The following URM1 variants were observed in gnomAD, a reference collection of about 807,000 sequenced individuals.
URM1 encodes ubiquitin related modifier 1, also known as ubiquitin-related modifier 1.
Under a neutral mutation model 17.7 loss-of-function variants are expected in URM1, and 11 were observed. That is an observed-to-expected ratio of 0.62 (90% CI 0.39 to 1.03). The LOEUF (loss-of-function observed/expected upper bound fraction) is 1.03. Among genes scored for constraint, URM1 ranks in the 50% least tolerant of loss-of-function variants. The pLI, the probability that URM1 is intolerant of heterozygous loss-of-function variation, is 0.00. For missense variants in URM1, 128 were observed against 129.2 expected (o/e 0.99, Z 0.04); for synonymous variants, 48 against 50.6 (o/e 0.95, Z 0.22).
chr9:128,384,641 G>A (rs897962625), intron 2 of URM1, among the ~76,000 whole-genome samples: 7 of 152,166 alleles, frequency 4.6e-5, no homozygotes, highest in African/African-American at 1.4e-4. Flanking sequence ...CAGAGAGCGC[G>A]AGGGGTATAG....
chr9:128,389,727 G>T lies in URM1; in HGVS notation c.299G>T (p.Gly100Val). 1 of 1,613,514 alleles carries T rather than the reference G, an allele frequency of 6.2e-7. No homozygotes were observed. The highest frequency in any genetic ancestry group is 8.5e-7 in the Non-Finnish European group (1 of 1,179,994). ...GTCCTCTTCATCTCCACTCTGCACG[G>T]CGGCTGAGGGCCCTTCTCTGGGCCT... is the stretch of plus-strand genomic sequence containing the variant. The part of the protein sequence containing the change: ...DSVLFISTLH[G>V]G Residue 100 changes from glycine to valine, a missense_variant, in exon 5 of 5, where the codon GGC becomes GTC. Coordinates refer to ENST00000372853, the MANE Select transcript of URM1 (RefSeq NM_030914.4).
At chr9:128,381,053 T>G (rs1833153622) in intron 2 of URM1, among the ~76,000 whole-genome samples, 1 of 152,102 alleles carries the variant, frequency 6.6e-6, no homozygotes, top group African/African-American at 2.4e-5. Flanking sequence ...CTCGATCTCC[T>G]GACCTGGTGA....
intron 1 of URM1, among the ~76,000 whole-genome samples, chr9:128,376,875 G>A (rs2131290775): frequency 6.6e-6 from 1 of 151,970 alleles, no homozygotes; most frequent in South Asian, 2.1e-4. Flanking sequence ...AGTCCCAGCT[G>A]CTTGGGGGTC....
intron 1 of URM1, among the ~76,000 whole-genome samples, chr9:128,376,859 A>G (rs1833085204): frequency 6.6e-6 from 1 of 151,826 alleles, no homozygotes; most frequent in Admixed American, 6.6e-5. Flanking sequence ...GATGCCATGC[A>G]CCTGTAGTCC....
chr9:128,378,565 A>C (rs1055043930), intron 2 of URM1, among the ~76,000 whole-genome samples: 8 of 150,618 alleles, frequency 5.3e-5, no homozygotes, highest in Non-Finnish European at 1.2e-4. Flanking sequence ...AAAAAAAAAA[A>C]AAAAAAACTT....
chr9:128,390,227 G>A lies in URM1; in HGVS notation c.*493G>A. 6.3e-6 allele frequency: 1 copy of A among 159,868 alleles called. No homozygotes were observed. The highest frequency in any genetic ancestry group is 6.2e-5 in the Admixed American group (1 of 16,104). The allele number at this position is 159,868 out of a possible 1,614,324, so 9.9% of individuals were successfully genotyped here. A position where few individuals can be genotyped will look rare whatever the true frequency, so the allele number is the denominator to read the frequency against. On this transcript the variant is annotated 3_prime_UTR_variant, in exon 5 of 5. Transcript: ENST00000372853. The stretch of plus-strand genomic sequence containing the variant: ...GTCTGTACAGCTGAGGGCTCTGCCT[G>A]TCCCCCACTGCTATCAGTATGGAAC...
chr9:128,388,035 C>T lies in URM1; in HGVS notation c.188+138C>T, dbSNP rs1588587632. Reference sequence around the variant, plus strand: ...TCCCTAACTCTTCCAGCTCTGAGATCTGTTTTCAGTTTTCTTGTTACTAAA... The same window carrying T: ...TCCCTAACTCTTCCAGCTCTGAGATTTGTTTTCAGTTTTCTTGTTACTAAA... On this transcript the variant is annotated intron_variant, in intron 3 of 4. Transcript: ENST00000372853. 5 of 1,398,250 alleles carry T rather than the reference C, an allele frequency of 3.6e-6. No individual in the cohort carries two copies. In the East Asian group the frequency reaches 1.3e-4, roughly 37 times the overall value. The allele number at this position is 1,398,250 out of a possible 1,614,324, so 86.6% of individuals were successfully genotyped here.
At chr9:128,375,336 G>T (rs1588578098) in intron 1 of URM1, among the ~76,000 whole-genome samples, 1 of 152,240 alleles carries the variant, frequency 6.6e-6, no homozygotes. Context: ...CTGGCCAGAG[G>T]AAACCCCTAG....
chr9:128,373,426 T>C (rs1330840478), intron 1 of URM1, among the ~76,000 whole-genome samples: 1 of 152,142 alleles, frequency 6.6e-6, no homozygotes, highest in Non-Finnish European at 1.5e-5. Context: ...TTTCTCTCTT[T>C]TGTCCCTTAG....
chr9:128,377,955 T>C, intron 1 of URM1, 81 bp from the exon 2 acceptor site: 2 of 1,470,022 alleles, frequency 1.4e-6, no homozygotes, highest in Non-Finnish European at 1.9e-6. Flanking sequence ...ACCAGCCCTA[T>C]CCTCAGTTTT....
Position 128,389,735 on chromosome 9 carries a change from G to C in URM1, c.*1G>C. 1 of 1,613,478 alleles carries C rather than the reference G, an allele frequency of 6.2e-7. No homozygotes were observed. On this transcript the variant is annotated 3_prime_UTR_variant, in exon 5 of 5. Transcript: ENST00000372853. ...CATCTCCACTCTGCACGGCGGCTGAGGGCCCTTCTCTGGGCCTGGGCACCC... is the reference window on the plus strand; with the variant it reads ...CATCTCCACTCTGCACGGCGGCTGACGGCCCTTCTCTGGGCCTGGGCACCC...
At chr9:128,374,148 C>G (rs1022542970) in intron 1 of URM1, among the ~76,000 whole-genome samples, 1 of 152,174 alleles carries the variant, frequency 6.6e-6, no homozygotes, top group Non-Finnish European at 1.5e-5. Flanking sequence ...CCTTGTCTGC[C>G]TCCCTGAATC....
intron 1 of URM1, among the ~76,000 whole-genome samples, chr9:128,372,073 C>T (rs1048470217): frequency 5.3e-5 from 8 of 152,194 alleles, no homozygotes; most frequent in African/African-American, 1.7e-4. Flanking sequence ...TTGGGACACA[C>T]ACCAGTTACT....
chr9:128,372,141 A>G (rs902062318), intron 1 of URM1, among the ~76,000 whole-genome samples: 3 of 152,236 alleles, frequency 2.0e-5, no homozygotes, highest in African/African-American at 4.8e-5. Context: ...CTTCCTACAA[A>G]CAGGTTTGTC....
rs979794619 is a variant in URM1, at chr9:128,387,717, A to G, written c.107-99A>G. ...CAGCCTGGTCTAAAAGAAGCCCTCT[A>G]AACACCGTGTGTATTTCCTTGTGGG... On this transcript the variant is annotated intron_variant, in intron 2 of 4. Transcript: ENST00000372853. The surrounding 1 kb of genome is among the most constrained non-coding windows in gnomAD (Gnocchi z 4.3). 6.3e-7 allele frequency: 1 copy of G among 1,580,164 alleles called. No individual in the cohort carries two copies. Among genetic ancestry groups the G allele is most frequent in the Non-Finnish European group, 8.6e-7 (1 of 1,161,576 alleles).
chr9:128,379,840 C>T (rs1833135372), intron 2 of URM1, among the ~76,000 whole-genome samples: 1 of 151,286 alleles, frequency 6.6e-6, no homozygotes, highest in Non-Finnish European at 1.5e-5. Context: ...AAACCAGGCA[C>T]AGTGGCTCAT....
intron 1 of URM1, 31 bp from the exon 2 acceptor site, chr9:128,378,005 G>A: frequency 6.2e-7 from 1 of 1,609,894 alleles, no homozygotes; most frequent in Non-Finnish European, 8.5e-7. Flanking sequence ...GAGCTCACCT[G>A]GCTGTCTTTT....
At chr9:128,378,542 C>CAAAAAA (rs58676800) in intron 2 of URM1, among the ~76,000 whole-genome samples, 3 of 23,024 alleles carry the variant, frequency 1.3e-4, no homozygotes, top group Non-Finnish European at 2.4e-4. Context: ...GACTCCATCT[C>CAAAAAA]AAAAAAAAAA....
Position 128,382,046 on chromosome 9 carries a change from A to AGGCTG in URM1, c.106+3948_106+3952dup, listed in dbSNP as rs1373680712. 2.6e-5 allele frequency among the ~76,000 whole-genome samples: 4 copies of AGGCTG among 152,194 alleles called. No individual in the cohort carries two copies. The East Asian group carries it at 7.7e-4, about 29-fold the overall frequency. ...CCTGCCCAGAGTTACCCAAGTAGGG[A>AGGCTG]GGCTGGGCTGGGACTCAGATTTTTT... On this transcript the variant is annotated intron_variant, in intron 2 of 4. Coordinates refer to ENST00000372853, the MANE Select transcript of URM1 (RefSeq NM_030914.4).
Sources: allele counts gnomAD v4.1 joint callset (sites outside exome capture counted in the v4.1 genomes callset), GRCh38; gene constraint gnomAD v4.1.1; non-coding constraint Gnocchi (gnomAD v3.1); transcripts MANE v1.5; gene names NCBI Gene and HGNC (gene_info 2026-07-23, HGNC 2026-07-21).